The following TCEAL1 variants were observed in gnomAD, a reference collection of about 807,000 sequenced individuals.
The protein encoded by TCEAL1 is transcription elongation factor A like 1.
For synonymous variants in TCEAL1, 48 were observed against 46.0 expected (o/e 1.04, Z -0.17); for missense variants, 82 against 125.9 (o/e 0.65, Z 1.67).
At position 103,630,294 on chromosome X, in the gene TCEAL1, G is replaced by A; in HGVS notation, c.378G>A (p.Glu126=). 2 of 1,212,113 alleles carry A rather than the reference G, an allele frequency of 1.7e-6. No individual in the cohort carries two copies. The highest frequency in any genetic ancestry group is 2.2e-6 in the Non-Finnish European group (2 of 895,597). Residue 126 remains glutamate (E), a synonymous_variant, in exon 3 of 3, where the codon GAG becomes GAA. Transcript: ENST00000372625. ...DIHGRNLSNE[E]MIQAADELEE... is the part of the protein sequence containing the mutation. Reference sequence around the variant, plus strand: ...ATGGCAGAAATTTAAGCAATGAGGAGATGATACAGGCAGCAGATGAGCTAG... The same window carrying A: ...ATGGCAGAAATTTAAGCAATGAGGAAATGATACAGGCAGCAGATGAGCTAG...
Position 103,630,429 on chromosome X carries a change from A to T in TCEAL1, c.*33A>T. On this transcript the variant is annotated 3_prime_UTR_variant, in exon 3 of 3. Transcript: ENST00000372625. Reference sequence around the variant, plus strand: ...GGCCTTTAATTCTGTTTTGCCTGCTAATAGTATTGCCATTGCCACCTGGAC... The same window carrying T: ...GGCCTTTAATTCTGTTTTGCCTGCTTATAGTATTGCCATTGCCACCTGGAC... 1 of 1,129,339 alleles carries T rather than the reference A, an allele frequency of 8.9e-7. No homozygotes were observed. Among genetic ancestry groups the T allele is most frequent in the Non-Finnish European group, 1.2e-6 (1 of 854,502 alleles). The allele number at this position is 1,129,339 out of a possible 1,213,427, so 93.1% of individuals were successfully genotyped here. A position where few individuals can be genotyped will look rare whatever the true frequency, so the allele number is the denominator to read the frequency against.
rs2073711486 is a variant in TCEAL1 at position 103,629,519 on chromosome X, C to T, written c.-87C>T. The stretch of plus-strand genomic sequence containing the variant: ...GTCTGCTGGTCACAGCGGGGCACCT[C>T]GAGGAGAGGACGACTAGGAGCACAC... On this transcript the variant is annotated 5_prime_UTR_variant, in exon 2 of 3. Transcript: ENST00000372625. The T allele has an allele frequency of 2.3e-5, 3 of 133,075 alleles. No homozygotes were observed. Among genetic ancestry groups the T allele is most frequent in the Non-Finnish European group, 1.5e-5 (1 of 66,056 alleles). 11.0% of individuals were successfully genotyped at this position (133,075 alleles called of 1,213,427 possible).
At position 103,629,323 on chromosome X, in the gene TCEAL1, G is replaced by GA. The variant is rs1358863458; in HGVS notation, c.-112-170dup. 5.6e-4 allele frequency among the ~76,000 whole-genome samples: 63 copies of GA among 111,609 alleles called. No individual in the cohort carries two copies. The Admixed American group carries it at 5.8e-3, about 10-fold the overall frequency. ...CAAGCTTTGCGGGGTGGGGAGGTGG[G>GA]AGCACGGAGGACGAAGCTTGACGCA... is the stretch of plus-strand genomic sequence containing the variant. On this transcript the variant is annotated intron_variant, in intron 1 of 2. Transcript: ENST00000372625.
At chrX:103,629,710 A>C in intron 2 of TCEAL1, 137 bp downstream of exon 2, 1 of 403,802 alleles carries the variant, frequency 2.5e-6, no homozygotes, top group African/African-American at 2.5e-5. Flanking sequence ...GCTTTCGGGA[A>C]GGAGGGGGCG....
At position 103,629,553 on chromosome X, in the gene TCEAL1, A is replaced by C; in HGVS notation, c.-53A>C. The C allele has an allele frequency of 6.4e-6, 1 of 156,804 alleles. No individual in the cohort carries two copies. Among genetic ancestry groups the C allele is most frequent in the Non-Finnish European group, 1.2e-5 (1 of 80,592 alleles). 12.9% of individuals were successfully genotyped at this position (156,804 alleles called of 1,213,427 possible). A position where few individuals can be genotyped will look rare whatever the true frequency, so the allele number is the denominator to read the frequency against. On this transcript the variant is annotated 5_prime_UTR_variant, in exon 2 of 3. Transcript: ENST00000372625. ...GACGACTAGGAGCACACGGCCCGGA[A>C]AGGTCCAGGTCAGGGAAGGGGTACG... is the stretch of plus-strand genomic sequence containing the variant.
In TCEAL1 at chrX:103,630,402, T is replaced by C. The variant is rs2073718337; in HGVS notation, c.*6T>C. On this transcript the variant is annotated 3_prime_UTR_variant, in exon 3 of 3. Transcript: ENST00000372625. ...GCCGTCCTTATCCTATTTAATGTGT[T>C]CGGCCTTTAATTCTGTTTTGCCTGC... 4.3e-6 allele frequency: 5 copies of C among 1,168,540 alleles called. No homozygotes were observed. The East Asian group carries it at 1.5e-4, about 36-fold the overall frequency.
rs1210785725 is a variant in TCEAL1 at position 103,630,256 on chromosome X, A to G, written c.340A>G (p.Arg114Gly). The G allele has an allele frequency of 1.6e-6, 2 of 1,212,278 alleles. No individual in the cohort carries two copies. Among genetic ancestry groups the G allele is most frequent in the South Asian group, 1.8e-5 (1 of 57,012 alleles). The part of the protein sequence containing the change: ...ERLARSRPQF[R>G]GDIHGRNLSN... ...GTTGGCTCGTTCTCGCCCGCAATTT[A>G]GAGGGGACATACATGGCAGAAATTT... The change falls in exon 3 of 3, where the codon AGA becomes GGA. Residue 114 changes from arginine (R) to glycine (G), a missense_variant. Transcript: ENST00000372625.
chrX:103,629,790 C>A, intron 2 of TCEAL1, 95 bp from the exon 3 acceptor site: 1 of 853,924 alleles, frequency 1.2e-6, no homozygotes. Flanking sequence ...ACCTGGCCCC[C>A]GAATCAGGAA....
At chrX:103,629,606 T>G in intron 2 of TCEAL1, 33 bp downstream of exon 2, 6 of 231,424 alleles carry the variant, frequency 2.6e-5, no homozygotes, top group South Asian at 3.3e-4. Flanking sequence ...GGCGCGAGGG[T>G]GGACGCCGAA....
rs12689905 is a variant in TCEAL1, at chrX:103,630,740, A to T, written c.*344A>T. The T allele has an allele frequency of 8.7e-4, 118 of 135,787 alleles. No homozygotes were observed. The East Asian group carries it at 0.025, about 29-fold the overall frequency. 11.2% of individuals were successfully genotyped at this position (135,787 alleles called of 1,213,427 possible). On this transcript the variant is annotated 3_prime_UTR_variant, in exon 3 of 3. Transcript: ENST00000372625. Reference sequence around the variant, plus strand: ...TATGCAAAGAAAAAGCTAAAAGTATAGACTTCAAAGGCATAACAGTGGTTG... The same window carrying T: ...TATGCAAAGAAAAAGCTAAAAGTATTGACTTCAAAGGCATAACAGTGGTTG...
chrX:103,630,836 T>C lies in TCEAL1; in HGVS notation c.*440T>C, dbSNP rs1302119375. On this transcript the variant is annotated 3_prime_UTR_variant, in exon 3 of 3. Transcript: ENST00000372625. ...ATTTCTCATTTTTTCAGGACAAACG[T>C]TTTACTTGTGTTGCAAAAATATATA... 8.1e-6 allele frequency: 1 copy of C among 123,540 alleles called. No homozygotes were observed. The highest frequency in any genetic ancestry group is 1.9e-5 in the Non-Finnish European group (1 of 53,517). The allele number at this position is 123,540 out of a possible 1,213,427, so 10.2% of individuals were successfully genotyped here.
Position 103,629,605 on chromosome X carries a change from G to A in TCEAL1, c.-33+32G>A, listed in dbSNP as rs1341263803. On this transcript the variant is annotated intron_variant, in intron 2 of 2. Coordinates refer to ENST00000372625, the MANE Select transcript of TCEAL1 (RefSeq NM_004780.3). ...AGTGGGCCGGGACTGGGGCGCGAGG[G>A]TGGACGCCGAAAGGCATGGAGTCTG... 5 of 240,265 alleles carry A rather than the reference G, an allele frequency of 2.1e-5. No homozygotes were observed. In the East Asian group the frequency reaches 2.8e-4, roughly 13 times the overall value. The allele number at this position is 240,265 out of a possible 1,213,427, so 19.8% of individuals were successfully genotyped here.
rs1183480195 is a variant in TCEAL1, at chrX:103,628,998, C to T, written c.-140C>T. ...TGCCTGTCCACCATCTCCCTATTAC[C>T]CTTTGGTCGAGAGGGAAAGCAGAAG... On this transcript the variant is annotated 5_prime_UTR_variant, in exon 1 of 3. Transcript: ENST00000372625. The T allele has an allele frequency of 8.9e-6, 1 of 111,897 alleles. No individual in the cohort carries two copies. Among genetic ancestry groups the T allele is most frequent in the Non-Finnish European group, 1.9e-5 (1 of 53,081 alleles). 9.2% of individuals were successfully genotyped at this position (111,897 alleles called of 1,213,427 possible).
At chrX:103,629,128 C>T (rs2073706309) in intron 1 of TCEAL1, 103 bp downstream of exon 1, 2 of 112,313 alleles carry the variant, frequency 1.8e-5, no homozygotes, top group Non-Finnish European at 3.8e-5. Flanking sequence ...CAGGCCTTTC[C>T]CTAAGCTCCA....
At position 103,630,667 on chromosome X, in the gene TCEAL1, A is replaced by G. The variant is rs2073719381; in HGVS notation, c.*271A>G. On this transcript the variant is annotated 3_prime_UTR_variant, in exon 3 of 3. Transcript: ENST00000372625. ...ACGAAAAAAGCAATTTTCAAATGGTATATATTGTATCCCATTTTTGTAAAA... is the reference window on the plus strand; with the variant it reads ...ACGAAAAAAGCAATTTTCAAATGGTGTATATTGTATCCCATTTTTGTAAAA... The G allele has an allele frequency of 1.3e-5, 3 of 222,683 alleles. No individual in the cohort carries two copies. Among genetic ancestry groups the G allele is most frequent in the African/African-American group, 8.8e-5 (3 of 34,166 alleles). The allele number at this position is 222,683 out of a possible 1,213,427, so 18.4% of individuals were successfully genotyped here. A position where few individuals can be genotyped will look rare whatever the true frequency, so the allele number is the denominator to read the frequency against.
At chrX:103,629,627 T>A (rs2073712303) in intron 2 of TCEAL1, 54 bp downstream of exon 2, 1 of 276,123 alleles carries the variant, frequency 3.6e-6, no homozygotes, top group African/African-American at 2.8e-5. Context: ...AGGCATGGAG[T>A]CTGCAGGCCG....
In TCEAL1 at chrX:103,630,018, C is replaced by G. The variant is rs780665016; in HGVS notation, c.102C>G (p.Pro34=). The part of the protein sequence containing the change: ...PVEHSPEKQS[P]EEQSSEEQSS... ...AGCACTCTCCCGAAAAGCAGTCCCCCGAGGAGCAGTCTTCGGAGGAGCAGT... is the reference window on the plus strand; with the variant it reads ...AGCACTCTCCCGAAAAGCAGTCCCCGGAGGAGCAGTCTTCGGAGGAGCAGT... The change falls in exon 3 of 3, where the codon CCC becomes CCG. Residue 34 remains proline, a synonymous_variant. Coordinates refer to ENST00000372625, the MANE Select transcript of TCEAL1 (RefSeq NM_004780.3). 2 of 1,207,904 alleles carry G rather than the reference C, an allele frequency of 1.7e-6. No individual in the cohort carries two copies. Among genetic ancestry groups the G allele is most frequent in the South Asian group, 1.8e-5 (1 of 56,304 alleles).
chrX:103,629,647 G>GC, intron 2 of TCEAL1, 74 bp downstream of exon 2: 2 of 342,125 alleles, frequency 5.8e-6, no homozygotes, highest in Non-Finnish European at 1.0e-5. Context: ...GCACTGTCCC[G>GC]CCCCTGTCAC....
Position 103,629,907 on chromosome X carries a change from A to G in TCEAL1, c.-10A>G. On this transcript the variant is annotated 5_prime_UTR_variant, in exon 3 of 3. Coordinates refer to ENST00000372625, the MANE Select transcript of TCEAL1 (RefSeq NM_004780.3). ...AAGAATAACTGTGCTTGAAGAAGAA[A>G]ATTCCCAACATGGACAAACCACGCA... The G allele has an allele frequency of 8.9e-7, 1 of 1,125,132 alleles. No homozygotes were observed. The highest frequency in any genetic ancestry group is 1.2e-6 in the Non-Finnish European group (1 of 853,889). 92.7% of individuals were successfully genotyped at this position (1,125,132 alleles called of 1,213,427 possible).
Sources: allele counts gnomAD v4.1 joint callset (sites outside exome capture counted in the v4.1 genomes callset), GRCh38; gene constraint gnomAD v4.1.1; transcripts MANE v1.5; gene names NCBI Gene and HGNC (gene_info 2026-07-23, HGNC 2026-07-21).